DLG1: variants seen among roughly 807,000 people sequenced by gnomAD.
The protein encoded by DLG1 is disks large homolog 1.
In DLG1, 42 loss-of-function variants were observed where a neutral mutation model predicts 123.4. The ratio of observed to expected loss-of-function variants is 0.34; its 90% CI spans 0.27 to 0.44. The LOEUF (loss-of-function observed/expected upper bound fraction) is 0.44, where lower values mean the gene tolerates loss of function less well. DLG1 is among the 20% of genes least tolerant of loss of function. The probability of loss-of-function intolerance (pLI) is 1.00; values close to 1 mark genes in which losing one functional copy is unlikely to be tolerated. For missense variants in DLG1, 942 were observed against 1,082.6 expected, an observed-to-expected ratio of 0.87 and a Z score of 1.82; for synonymous variants, 317 against 356.2, an observed-to-expected ratio of 0.89 and a Z score of 1.24.
chr3:197,192,799 G>A (rs1343795076), intron 5 of DLG1, among the ~76,000 whole-genome samples: 1 of 151,840 alleles, frequency 6.6e-6, no homozygotes, highest in African/African-American at 2.4e-5. Context: ...TTTTTAAGAC[G>A]GTTCTTTGAA....
At chr3:197,240,160 C>T (rs1329653568) in intron 4 of DLG1, among the ~76,000 whole-genome samples, 3 of 152,190 alleles carry the variant, frequency 2.0e-5, no homozygotes, top group Admixed American at 6.6e-5. Context: ...TCTACTGTAA[C>T]TCAGCCAAGC....
At chr3:197,185,178 CG>C (rs1441725283) in intron 5 of DLG1, among the ~76,000 whole-genome samples, 2 of 152,196 alleles carry the variant, frequency 1.3e-5, no homozygotes, top group Non-Finnish European at 2.9e-5. Context: ...AAGAGCATAT[CG>C]TAAGTCCCAA....
intron 13 of DLG1, among the ~76,000 whole-genome samples, chr3:197,105,554 T>A (rs1765869321): frequency 6.6e-6 from 1 of 152,206 alleles, no homozygotes; most frequent in Non-Finnish European, 1.5e-5. Flanking sequence ...AGAATAAATG[T>A]TAATTAAATG....
intron 5 of DLG1, among the ~76,000 whole-genome samples, chr3:197,184,321 TA>T (rs920712557): frequency 1.4e-5 from 2 of 148,128 alleles, no homozygotes; most frequent in Non-Finnish European, 3.0e-5. Flanking sequence ...ATATAAATTA[TA>T]AATATGAACT....
chr3:197,050,040 A>G (rs1259361688), intron 24 of DLG1, among the ~76,000 whole-genome samples: 2 of 150,542 alleles, frequency 1.3e-5, no homozygotes, highest in Non-Finnish European at 3.0e-5. Flanking sequence ...CAGCCTGGGC[A>G]AGAACAAAAC....
At chr3:197,168,743 G>C (rs6583200) in intron 5 of DLG1, among the ~76,000 whole-genome samples, 114,854 of 152,000 alleles carry the variant, frequency 0.76, 43,504 homozygotes, top group East Asian at 0.82. Context: ...TCAATAAGAT[G>C]AGATCTAAAG....
chr3:197,164,004 A>T (rs1228125810), intron 5 of DLG1, among the ~76,000 whole-genome samples: 1 of 152,178 alleles, frequency 6.6e-6, no homozygotes, highest in Non-Finnish European at 1.5e-5. Context: ...TTAAAAATGC[A>T]TGAAAACTGG....
At chr3:197,217,484 T>C (rs537942168) in intron 4 of DLG1, among the ~76,000 whole-genome samples, 1 of 152,202 alleles carries the variant, frequency 6.6e-6, no homozygotes, top group African/African-American at 2.4e-5. Flanking sequence ...ATATATTTCA[T>C]GTTCATGTAG....
chr3:197,134,543 A>C (rs1463360421), intron 10 of DLG1, among the ~76,000 whole-genome samples: 3 of 152,076 alleles, frequency 2.0e-5, no homozygotes, highest in Non-Finnish European at 4.4e-5. Flanking sequence ...ATATTTTTAA[A>C]AACCAACTTC....
chr3:197,263,383 T>C (rs923857346), intron 4 of DLG1, among the ~76,000 whole-genome samples: 3 of 152,096 alleles, frequency 2.0e-5, no homozygotes, highest in South Asian at 2.1e-4. Flanking sequence ...CTTCCTCTTT[T>C]GTAAAATAAA....
intron 4 of DLG1, among the ~76,000 whole-genome samples, chr3:197,280,602 C>T (rs996406968): frequency 6.6e-6 from 1 of 152,098 alleles, no homozygotes; most frequent in African/African-American, 2.4e-5. Flanking sequence ...TACATTTCCA[C>T]CAATAATGTC....
At chr3:197,230,431 AAAC>A (rs1742343105) in intron 4 of DLG1, among the ~76,000 whole-genome samples, 1 of 152,208 alleles carries the variant, frequency 6.6e-6, no homozygotes, top group African/African-American at 2.4e-5. Context: ...ACTGGAGATC[AAAC>A]AATATAGTAA....
chr3:197,110,788 A>G (rs1010452689), intron 13 of DLG1, among the ~76,000 whole-genome samples: 1 of 152,180 alleles, frequency 6.6e-6, no homozygotes, highest in East Asian at 1.9e-4. Flanking sequence ...TAAATACCTG[A>G]AACTTACAAA....
intron 4 of DLG1, among the ~76,000 whole-genome samples, chr3:197,217,910 G>A (rs1734918525): frequency 6.6e-6 from 1 of 152,092 alleles, no homozygotes; most frequent in African/African-American, 2.4e-5. Context: ...TAAAGACGCT[G>A]TACTTTTTTA....
At chr3:197,127,423 CAAAAAAAAAAAAAAAAA>C (rs34530877) in intron 11 of DLG1, among the ~76,000 whole-genome samples, 37 of 39,550 alleles carry the variant, frequency 9.4e-4, no homozygotes, top group Non-Finnish European at 1.1e-3. Flanking sequence ...ATTCTGTCTC[CAAAAAAAAAAAAAAAAA>C]AAAAAAAAAA....
At chr3:197,231,405 T>C (rs1742948615) in intron 4 of DLG1, among the ~76,000 whole-genome samples, 1 of 152,188 alleles carries the variant, frequency 6.6e-6, no homozygotes, top group Admixed American at 6.5e-5. Flanking sequence ...CATTTTGTTG[T>C]AAGAATACTA....
chr3:197,072,268 TA>T (rs1438653038), intron 18 of DLG1, among the ~76,000 whole-genome samples: 2 of 152,192 alleles, frequency 1.3e-5, no homozygotes, highest in Non-Finnish European at 2.9e-5. Context: ...TCTCCATCTC[TA>T]ATTACATCCT....
chr3:197,221,573 C>G (rs554026675), intron 4 of DLG1, among the ~76,000 whole-genome samples: 1 of 152,022 alleles, frequency 6.6e-6, no homozygotes, highest in East Asian at 1.9e-4. Context: ...AGCAAACACT[C>G]AATAAAGCTA....
chr3:197,243,070 G>C (rs555921221), intron 4 of DLG1, among the ~76,000 whole-genome samples: 1 of 152,122 alleles, frequency 6.6e-6, no homozygotes, highest in East Asian at 1.9e-4. Flanking sequence ...AGTTACGATC[G>C]CAAGAGCACA....
Sources: allele counts gnomAD v4.1 joint callset (sites outside exome capture counted in the v4.1 genomes callset), GRCh38; gene constraint gnomAD v4.1.1; transcripts MANE v1.5; gene names NCBI Gene and HGNC (gene_info 2026-07-23, HGNC 2026-07-21).